Variants in FBLN2 observed in about 807,000 individuals in gnomAD.
FBLN2 encodes the protein fibulin-2.
Under a neutral mutation model 123.7 loss-of-function variants are expected in FBLN2, and 81 were observed. That is an observed-to-expected ratio of 0.65 (90% CI 0.55 to 0.79). The LOEUF is 0.79. Among genes scored for constraint, FBLN2 ranks in the 30% least tolerant of loss-of-function variants. The pLI is 0.00. For synonymous variants in FBLN2, 699 were observed against 701.4 expected (o/e 1.00, Z 0.05); for missense variants, 1,603 against 1,681.3 (o/e 0.95, Z 0.81).
At chr3:13,624,942 G>A (rs1559424963) in intron 9 of FBLN2, among the ~76,000 whole-genome samples, 1 of 152,226 alleles carries the variant, frequency 6.6e-6, no homozygotes, top group Non-Finnish European at 1.5e-5. Context: ...GGCCTCTGTG[G>A]CCCCTGGGCA....
At chr3:13,614,387 C>A (rs1168985508) in intron 5 of FBLN2, among the ~76,000 whole-genome samples, 1 of 152,090 alleles carries the variant, frequency 6.6e-6, no homozygotes, top group East Asian at 1.9e-4. Context: ...CACTCACCAC[C>A]CTCCCCTCTC....
Position 13,609,634 on chromosome 3 carries a change from C to A in FBLN2, c.1540C>A (p.Leu514Met). 7.5e-7 allele frequency: 1 copy of A among 1,338,294 alleles called. No homozygotes were observed. The highest frequency in any genetic ancestry group is 2.4e-5 in the Admixed American group (1 of 41,130). The allele number at this position is 1,338,294 out of a possible 1,614,324, so 82.9% of individuals were successfully genotyped here. The part of the protein sequence containing the change: ...AEDNDSCGIS[L>M]YKQCCDCCGL... ...GGACAACGACAGCTGCGGCATCTCC[C>A]TGTACAAGGCAAGCCTGACCTGTGG... is the stretch of plus-strand genomic sequence containing the variant. Residue 514 changes from leucine to methionine, a missense_variant, in exon 4 of 18, where the codon CTG becomes ATG. By Grantham distance (15) the Leu-to-Met change is conservative (BLOSUM62 2). Coordinates refer to ENST00000404922, the MANE Select transcript of FBLN2 (RefSeq NM_001004019.2).
At chr3:13,568,266 A>C (rs573256768) in intron 1 of FBLN2, among the ~76,000 whole-genome samples, 47 of 152,138 alleles carry the variant, frequency 3.1e-4, no homozygotes, top group Non-Finnish European at 5.4e-4. Context: ...CCTCGGTCAC[A>C]CAACTCCCCC....
At chr3:13,596,974 C>T (rs1704863996) in intron 2 of FBLN2, among the ~76,000 whole-genome samples, 1 of 151,720 alleles carries the variant, frequency 6.6e-6, no homozygotes, top group Admixed American at 6.6e-5. Context: ...CTCTGTTGCC[C>T]AGGCTGAAGT....
rs147676797 is a variant in FBLN2 at position 13,554,397 on chromosome 3, C to T, written c.-42+5189C>T. On this transcript the variant is annotated intron_variant, in intron 1 of 17. Transcript: ENST00000404922. ...CATCCTGGCCCTGAATTCCCAGCCC[C>T]AACCTTGGTCCCAAGTTGAGCTTTT... 3.8e-3 allele frequency among the ~76,000 whole-genome samples: 582 copies of T among 152,366 alleles called. 1 individual carries two copies. Among genetic ancestry groups the T allele is most frequent in the Non-Finnish European group, 6.2e-3 (419 of 68,036 alleles).
chr3:13,566,182 G>A (rs561686077), intron 1 of FBLN2, among the ~76,000 whole-genome samples: 1 of 152,186 alleles, frequency 6.6e-6, no homozygotes, highest in Non-Finnish European at 1.5e-5. Flanking sequence ...ATCTCCAGGG[G>A]CTTCTTTTTT....
chr3:13,614,705 CCCAT>C lies in FBLN2; in HGVS notation c.1729+547_1729+550del, dbSNP rs959749963. Reference sequence around the variant, plus strand: ...ACCCATCCACCCATTCACTCACCCACCCATCCATCTATCCATCCATTCATTCATC... The same window carrying C: ...ACCCATCCACCCATTCACTCACCCACCCATCTATCCATCCATTCATTCATC... On this transcript the variant is annotated intron_variant, in intron 5 of 17. Transcript: ENST00000404922. Among the ~76,000 whole-genome samples, 5 of 147,776 alleles carry C rather than the reference CCCAT, an allele frequency of 3.4e-5. No individual in the cohort carries two copies. In the South Asian group the frequency reaches 6.7e-4, roughly 20 times the overall value.
chr3:13,603,853 A>C (rs1474695004), intron 2 of FBLN2, among the ~76,000 whole-genome samples: 1 of 152,232 alleles, frequency 6.6e-6, no homozygotes, highest in Non-Finnish European at 1.5e-5. Flanking sequence ...AGTCCCACCA[A>C]CAGTGTAAAA....
At chr3:13,616,708 C>G (rs1158985906) in intron 5 of FBLN2, among the ~76,000 whole-genome samples, 1 of 152,230 alleles carries the variant, frequency 6.6e-6, no homozygotes, top group Admixed American at 6.5e-5. Context: ...AGGCCTCCCC[C>G]TGAAGTCCTG....
At chr3:13,583,972 G>A (rs866892714) in intron 2 of FBLN2, among the ~76,000 whole-genome samples, 4 of 152,316 alleles carry the variant, frequency 2.6e-5, no homozygotes, top group African/African-American at 7.2e-5. Flanking sequence ...GTGGCCAGCT[G>A]GCCTTTAGAA....
chr3:13,600,804 T>A (rs1705008378), intron 2 of FBLN2, among the ~76,000 whole-genome samples: 1 of 152,048 alleles, frequency 6.6e-6, no homozygotes. Context: ...TTAGTAGAGA[T>A]GGGTTTTCGC....
chr3:13,635,398 A>ACACACC (rs1553623588), intron 16 of FBLN2, among the ~76,000 whole-genome samples: 2 of 149,006 alleles, frequency 1.3e-5, no homozygotes, highest in Non-Finnish European at 3.0e-5. Flanking sequence ...ACACACACAC[A>ACACACC]CCCACACACA....
chr3:13,571,986 T>A (rs1703978712), intron 2 of FBLN2, among the ~76,000 whole-genome samples: 1 of 152,136 alleles, frequency 6.6e-6, no homozygotes, highest in Non-Finnish European at 1.5e-5. Context: ...GGTTCCTGCC[T>A]CAGCCCGGTA....
At chr3:13,577,331 C>T (rs1023441219) in intron 2 of FBLN2, among the ~76,000 whole-genome samples, 7 of 151,932 alleles carry the variant, frequency 4.6e-5, no homozygotes, top group East Asian at 1.9e-4. Context: ...GCGAGCCACG[C>T]GTGCACCTGA....
intron 9 of FBLN2, among the ~76,000 whole-genome samples, chr3:13,623,113 G>C (rs891714878): frequency 2.6e-5 from 4 of 152,230 alleles, no homozygotes; most frequent in African/African-American, 9.6e-5. Context: ...CTGAATGCCT[G>C]CTGCAGACAT....
intron 12 of FBLN2, 36 bp downstream of exon 12, chr3:13,629,084 G>A (rs541137861): frequency 2.7e-5 from 44 of 1,612,758 alleles, no homozygotes; most frequent in African/African-American, 8.0e-5. Context: ...CAGCCAGCCC[G>A]GCCTGCCCGC....
intron 2 of FBLN2, among the ~76,000 whole-genome samples, chr3:13,573,821 A>T (rs2124829337): frequency 7.0e-6 from 1 of 143,460 alleles, no homozygotes; most frequent in South Asian, 2.3e-4. Context: ...GAGAATCACC[A>T]CCTGGGAGGC....
chr3:13,578,376 G>C (rs904197070), intron 2 of FBLN2, among the ~76,000 whole-genome samples: 1 of 152,026 alleles, frequency 6.6e-6, no homozygotes, highest in Non-Finnish European at 1.5e-5. Context: ...CCCAGTCCCC[G>C]GTAGCCAGGA....
At chr3:13,621,579 G>A (rs3773265) in intron 8 of FBLN2, among the ~76,000 whole-genome samples, 196 bp from the exon 9 acceptor site, 6,777 of 152,194 alleles carry the variant, frequency 0.045, 247 homozygotes, top group East Asian at 0.16. Flanking sequence ...CCTCACCACC[G>A]TCCTTACTGG....
Sources: allele counts gnomAD v4.1 joint callset (sites outside exome capture counted in the v4.1 genomes callset), GRCh38; gene constraint gnomAD v4.1.1; transcripts MANE v1.5; gene names NCBI Gene and HGNC (gene_info 2026-07-23, HGNC 2026-07-21).